TPBGL: variants seen among roughly 807,000 people sequenced by gnomAD.
TPBGL encodes trophoblast glycoprotein like.
For synonymous variants in TPBGL, 380 were observed against 314.8 expected, an observed-to-expected ratio of 1.21 and a Z score of -2.19; for missense variants, 685 against 609.4, an observed-to-expected ratio of 1.12 and a Z score of -1.31.
chr11:75,241,688 C>G lies in TPBGL; in HGVS notation c.639C>G (p.Asp213Glu), dbSNP rs149491762. Residue 213 changes from aspartate (D) to glutamate (E), a missense_variant, in exon 1 of 1, where the codon GAC (aspartate) becomes GAG (glutamate). Physicochemically the swap from Asp to Glu is conservative, Grantham distance 45 (BLOSUM62 2). Coordinates refer to ENST00000562197, the MANE Select transcript of TPBGL (RefSeq NM_001195528.2). The stretch of plus-strand genomic sequence containing the variant: ...ACGCGCTGGCCGGCCTGGACCCCGA[C>G]GAGCTGCGCGCGCTGGAGCGCGATG... ...RLNALAGLDP[D>E]ELRALERDGG... 1,687 of 1,274,000 alleles carry G rather than the reference C, an allele frequency of 1.3e-3. 10 individuals are homozygous for G. The highest frequency in any genetic ancestry group is 0.012 in the Middle Eastern group (38 of 3,180). 78.9% of individuals were successfully genotyped at this position (1,274,000 alleles called of 1,614,324 possible). A position where few individuals can be genotyped will look rare whatever the true frequency, so the allele number is the denominator to read the frequency against.
rs1945592895 is a variant in TPBGL at position 75,240,939 on chromosome 11, G to A, written c.-111G>A. On this transcript the variant is annotated 5_prime_UTR_variant, in exon 1 of 1. Coordinates refer to ENST00000562197, the MANE Select transcript of TPBGL (RefSeq NM_001195528.2). Reference sequence around the variant, plus strand: ...TCGAGACAGCGAACGGACCGACCGGGACTGCCAGCCGCTCCGGGTCAAGGA... The same window carrying A: ...TCGAGACAGCGAACGGACCGACCGGAACTGCCAGCCGCTCCGGGTCAAGGA... 1 of 769,622 alleles carries A rather than the reference G, an allele frequency of 1.3e-6. No homozygotes were observed. The highest frequency in any genetic ancestry group is 1.7e-6 in the Non-Finnish European group (1 of 583,204). The allele number at this position is 769,622 out of a possible 1,614,324, so 47.7% of individuals were successfully genotyped here.
chr11:75,242,200 C>A lies in TPBGL; in HGVS notation c.*2C>A. 9.0e-7 allele frequency: 1 copy of A among 1,108,736 alleles called. No homozygotes were observed. 68.7% of individuals were successfully genotyped at this position (1,108,736 alleles called of 1,614,324 possible). A position where few individuals can be genotyped will look rare whatever the true frequency, so the allele number is the denominator to read the frequency against. On this transcript the variant is annotated 3_prime_UTR_variant, in exon 1 of 1. Transcript: ENST00000562197. Reference sequence around the variant, plus strand: ...ACCTCCCCGGGCTCGGGGCTCTGAGCGGCGCCCCCGGGCTCGGGGCTTCCC... The same window carrying A: ...ACCTCCCCGGGCTCGGGGCTCTGAGAGGCGCCCCCGGGCTCGGGGCTTCCC...
chr11:75,241,648 TG>T lies in TPBGL; in HGVS notation c.601del (p.Asp201ThrfsTer71). On this transcript the variant is annotated frameshift_variant, in exon 1 of 1. Transcript: ENST00000562197. LOFTEE classifies it low-confidence loss of function (END_TRUNC). ...CTGCGCCTGGCGCGCCTGGAGCAGC[TG>T]GACGTGCGCCTCAACGCGCTGGCCG... is the stretch of plus-strand genomic sequence containing the variant. ...AALRLARLEQ[L>X]DVRLNALAGL... 7.6e-7 allele frequency: 1 copy of T among 1,312,882 alleles called. No individual in the cohort carries two copies. Among genetic ancestry groups the T allele is most frequent in the Non-Finnish European group, 9.8e-7 (1 of 1,025,088 alleles). The allele number at this position is 1,312,882 out of a possible 1,614,324, so 81.3% of individuals were successfully genotyped here. A position where few individuals can be genotyped will look rare whatever the true frequency, so the allele number is the denominator to read the frequency against.
chr11:75,242,137 GCGCGCC>G lies in TPBGL; in HGVS notation c.1098_1103del (p.Pro367_Ala368del). ...TACGAGCAGGACGCCGACCCGCGCC[GCGCGCC>G]CGCGCCCGCCGCGCCCGCGGGCTCC... On this transcript the variant is annotated inframe_deletion, in exon 1 of 1. Transcript: ENST00000562197. The G allele has an allele frequency of 8.2e-7, 1 of 1,219,540 alleles. No homozygotes were observed. Among genetic ancestry groups the G allele is most frequent in the Non-Finnish European group, 1.0e-6 (1 of 981,764 alleles). 75.5% of individuals were successfully genotyped at this position (1,219,540 alleles called of 1,614,324 possible). A position where few individuals can be genotyped will look rare whatever the true frequency, so the allele number is the denominator to read the frequency against.
At position 75,241,186 on chromosome 11, in the gene TPBGL, G is replaced by A. The variant is rs1333636241; in HGVS notation, c.137G>A (p.Gly46Glu). The change falls in exon 1 of 1, where the codon GGA becomes GAA. Residue 46 changes from glycine to glutamate, a missense_variant. Gly to Glu is a moderately conservative substitution (Grantham distance 98). Coordinates refer to ENST00000562197, the MANE Select transcript of TPBGL (RefSeq NM_001195528.2). ...GPKLLLRCAS[G>E]AELRQPPRDV... Reference sequence around the variant, plus strand: ...AAGCTGCTGCTGCGCTGCGCGTCGGGAGCCGAGCTCCGCCAGCCTCCGCGG... The same window carrying A: ...AAGCTGCTGCTGCGCTGCGCGTCGGAAGCCGAGCTCCGCCAGCCTCCGCGG... 24 of 1,452,736 alleles carry A rather than the reference G, an allele frequency of 1.7e-5. No individual in the cohort carries two copies. The highest frequency in any genetic ancestry group is 2.0e-5 in the Non-Finnish European group (22 of 1,105,430). 90.0% of individuals were successfully genotyped at this position (1,452,736 alleles called of 1,614,324 possible). A position where few individuals can be genotyped will look rare whatever the true frequency, so the allele number is the denominator to read the frequency against.
At position 75,241,844 on chromosome 11, in the gene TPBGL, C is replaced by T. The variant is rs773607158; in HGVS notation, c.795C>T (p.Ala265=). ...CCGACTCGCGGCGCCTGCGCTGCGC[C>T]GCCCCGCGGGCGCTGCTAGACCGGC... ...RVPDSRRLRC[A]APRALLDRPL... Residue 265 remains alanine (A), a synonymous_variant, in exon 1 of 1, where the codon GCC becomes GCT. Transcript: ENST00000562197. 6.0e-5 allele frequency: 77 copies of T among 1,293,536 alleles called. No individual in the cohort carries two copies. Among genetic ancestry groups the T allele is most frequent in the South Asian group, 9.1e-5 (4 of 44,110 alleles). 80.1% of individuals were successfully genotyped at this position (1,293,536 alleles called of 1,614,324 possible). A position where few individuals can be genotyped will look rare whatever the true frequency, so the allele number is the denominator to read the frequency against.
In TPBGL at chr11:75,240,941, C is replaced by A; in HGVS notation, c.-109C>A. On this transcript the variant is annotated 5_prime_UTR_variant, in exon 1 of 1. In the 5' UTR this introduces an upstream ATG that the reference lacks. Transcript: ENST00000562197. ...GAGACAGCGAACGGACCGACCGGGA[C>A]TGCCAGCCGCTCCGGGTCAAGGACT... 1 of 794,400 alleles carries A rather than the reference C, an allele frequency of 1.3e-6. No homozygotes were observed. The highest frequency in any genetic ancestry group is 1.7e-6 in the Non-Finnish European group (1 of 605,674). The allele number at this position is 794,400 out of a possible 1,614,324, so 49.2% of individuals were successfully genotyped here.
Position 75,241,096 on chromosome 11 carries a change from TGGC to T in TPBGL, c.55_57del (p.Ala19del). On this transcript the variant is annotated inframe_deletion, in exon 1 of 1. Transcript: ENST00000562197. Reference sequence around the variant, plus strand: ...CCGGGGCTCCAGGGGCTGCTGCTCGTGGCGGCGGCGCTGAGCCAGCCCGCGGCA... The same window carrying T: ...CCGGGGCTCCAGGGGCTGCTGCTCGTGGCGGCGCTGAGCCAGCCCGCGGCA... The T allele has an allele frequency of 7.3e-7, 1 of 1,360,590 alleles. No individual in the cohort carries two copies. Among genetic ancestry groups the T allele is most frequent in the Non-Finnish European group, 9.5e-7 (1 of 1,054,788 alleles). 84.3% of individuals were successfully genotyped at this position (1,360,590 alleles called of 1,614,324 possible).
chr11:75,241,611 C>T lies in TPBGL; in HGVS notation c.562C>T (p.Pro188Ser). The stretch of plus-strand genomic sequence containing the variant: ...AGCGGGCAACGCGCTGAGCCGTCTG[C>T]CGCCAGCCGCCCTGCGCCTGGCGCG... ...GLAGNALSRL[P>S]PAALRLARLE... Residue 188 changes from proline to serine, a missense_variant, in exon 1 of 1, where the codon CCG (proline) becomes TCG (serine). Physicochemically the swap from Pro to Ser is moderately conservative, Grantham distance 74. Coordinates refer to ENST00000562197, the MANE Select transcript of TPBGL (RefSeq NM_001195528.2). The T allele has an allele frequency of 7.6e-7, 1 of 1,315,142 alleles. No individual in the cohort carries two copies. The highest frequency in any genetic ancestry group is 9.8e-7 in the Non-Finnish European group (1 of 1,024,464). The allele number at this position is 1,315,142 out of a possible 1,614,324, so 81.5% of individuals were successfully genotyped here.
chr11:75,241,535 C>CGCGCTGGACGCT lies in TPBGL; in HGVS notation c.494_505dup (p.Asp165_Leu168dup), dbSNP rs1467320957. The CGCGCTGGACGCT allele has an allele frequency of 9.8e-6, 12 of 1,223,494 alleles. No homozygotes were observed. The highest frequency in any genetic ancestry group is 1.6e-5 in the African/African-American group (1 of 62,206). 75.8% of individuals were successfully genotyped at this position (1,223,494 alleles called of 1,614,324 possible). A position where few individuals can be genotyped will look rare whatever the true frequency, so the allele number is the denominator to read the frequency against. On this transcript the variant is annotated inframe_insertion, in exon 1 of 1. Coordinates refer to ENST00000562197, the MANE Select transcript of TPBGL (RefSeq NM_001195528.2). The stretch of plus-strand genomic sequence containing the variant: ...TGCGCGGCGGCCCCGCGCTGCTGGC[C>CGCGCTGGACGCT]GCGCTGGACGCTGCGCTGGCACCGC...
rs59905687 is a variant in TPBGL at position 75,242,529 on chromosome 11, G to A, written c.*331G>A. 1,763 of 155,732 alleles carry A rather than the reference G, an allele frequency of 0.011. 27 individuals are homozygous for A. The highest frequency in any genetic ancestry group is 0.041 in the African/African-American group (1,687 of 41,602). 9.6% of individuals were successfully genotyped at this position (155,732 alleles called of 1,614,324 possible). The stretch of plus-strand genomic sequence containing the variant: ...CCCTGTGCTTGGAGCTCCGACACCC[G>A]AGACTGCACTGACCTCCCTCGCCAG... On this transcript the variant is annotated 3_prime_UTR_variant, in exon 1 of 1. Transcript: ENST00000562197.
chr11:75,241,139 G>A lies in TPBGL; in HGVS notation c.90G>A (p.Gln30=). The change falls in exon 1 of 1, where the codon CAG becomes CAA. Residue 30 remains glutamine (Q), a synonymous_variant. Coordinates refer to ENST00000562197, the MANE Select transcript of TPBGL (RefSeq NM_001195528.2). ...AGCCCGCGGCACCCTGCCCCTTCCA[G>A]TGCTACTGCTTCGGCGGCCCCAAGC... ...LSQPAAPCPF[Q]CYCFGGPKLL... is the part of the protein sequence containing the mutation. The A allele has an allele frequency of 1.4e-6, 2 of 1,447,770 alleles. No homozygotes were observed. The highest frequency in any genetic ancestry group is 1.8e-6 in the Non-Finnish European group (2 of 1,101,986). The allele number at this position is 1,447,770 out of a possible 1,614,324, so 89.7% of individuals were successfully genotyped here. A position where few individuals can be genotyped will look rare whatever the true frequency, so the allele number is the denominator to read the frequency against.
chr11:75,241,518 G>A lies in TPBGL; in HGVS notation c.469G>A (p.Gly157Ser), dbSNP rs181283943. ...GCTCAACCACGCGCTGGTGCGCGGC[G>A]GCCCCGCGCTGCTGGCCGCGCTGGA... ...LQLNHALVRG[G>S]PALLAALDAA... is the part of the protein sequence containing the mutation. Residue 157 changes from glycine to serine, a missense_variant, in exon 1 of 1, where the codon GGC (glycine) becomes AGC (serine). By Grantham distance (56) the Gly-to-Ser change is moderately conservative (BLOSUM62 0). Transcript: ENST00000562197. The A allele has an allele frequency of 2.3e-3, 2,834 of 1,210,764 alleles. 47 individuals carry two copies. In the African/African-American group the frequency reaches 0.042, roughly 18 times the overall value. The allele number at this position is 1,210,764 out of a possible 1,614,324, so 75.0% of individuals were successfully genotyped here. A position where few individuals can be genotyped will look rare whatever the true frequency, so the allele number is the denominator to read the frequency against.
chr11:75,242,040 C>A lies in TPBGL; in HGVS notation c.991C>A (p.Arg331Ser). The change falls in exon 1 of 1, where the codon CGC becomes AGC. Residue 331 changes from arginine (R) to serine (S), a missense_variant. Transcript: ENST00000562197. ...CCTCATGGTGCTCTACCTAAACCGC[C>A]GCGGCATCCAGCGCTGGATGCGCAA... ...IFLMVLYLNRRGIQRWMRNLR... is the reference protein window; with the variant it reads ...IFLMVLYLNRSGIQRWMRNLR... 1 of 1,457,188 alleles carries A rather than the reference C, an allele frequency of 6.9e-7. No individual in the cohort carries two copies. Among genetic ancestry groups the A allele is most frequent in the Non-Finnish European group, 9.1e-7 (1 of 1,103,946 alleles). 90.3% of individuals were successfully genotyped at this position (1,457,188 alleles called of 1,614,324 possible). A position where few individuals can be genotyped will look rare whatever the true frequency, so the allele number is the denominator to read the frequency against.
chr11:75,241,803 G>C lies in TPBGL; in HGVS notation c.754G>C (p.Ala252Pro). The C allele has an allele frequency of 7.7e-7, 1 of 1,301,466 alleles. No homozygotes were observed. The allele number at this position is 1,301,466 out of a possible 1,614,324, so 80.6% of individuals were successfully genotyped here. A position where few individuals can be genotyped will look rare whatever the true frequency, so the allele number is the denominator to read the frequency against. The change falls in exon 1 of 1, where the codon GCC (alanine) becomes CCC (proline). Residue 252 changes from alanine to proline, a missense_variant. Coordinates refer to ENST00000562197, the MANE Select transcript of TPBGL (RefSeq NM_001195528.2). ...ARPLLAWLRN[A>P]TERVPDSRRL... ...CCCCCTGCTGGCCTGGCTGCGCAAC[G>C]CCACGGAGCGCGTGCCCGACTCGCG... is the stretch of plus-strand genomic sequence containing the variant.
In TPBGL at chr11:75,241,617, G is replaced by A. The variant is rs890394501; in HGVS notation, c.568G>A (p.Ala190Thr). 2 of 1,311,872 alleles carry A rather than the reference G, an allele frequency of 1.5e-6. No homozygotes were observed. Among genetic ancestry groups the A allele is most frequent in the Non-Finnish European group, 9.8e-7 (1 of 1,023,138 alleles). 81.3% of individuals were successfully genotyped at this position (1,311,872 alleles called of 1,614,324 possible). A position where few individuals can be genotyped will look rare whatever the true frequency, so the allele number is the denominator to read the frequency against. ...AGNALSRLPP[A>T]ALRLARLEQL... is the part of the protein sequence containing the mutation. The stretch of plus-strand genomic sequence containing the variant: ...CAACGCGCTGAGCCGTCTGCCGCCA[G>A]CCGCCCTGCGCCTGGCGCGCCTGGA... The change falls in exon 1 of 1, where the codon GCC becomes ACC. Residue 190 changes from alanine to threonine, a missense_variant. Coordinates refer to ENST00000562197, the MANE Select transcript of TPBGL (RefSeq NM_001195528.2).
Position 75,242,006 on chromosome 11 carries a change from C to A in TPBGL, c.957C>A (p.Gly319=). 6.7e-7 allele frequency: 1 copy of A among 1,489,206 alleles called. No homozygotes were observed. Among genetic ancestry groups the A allele is most frequent in the Non-Finnish European group, 8.9e-7 (1 of 1,122,100 alleles). 92.2% of individuals were successfully genotyped at this position (1,489,206 alleles called of 1,614,324 possible). A position where few individuals can be genotyped will look rare whatever the true frequency, so the allele number is the denominator to read the frequency against. The change falls in exon 1 of 1, where the codon GGC becomes GGA. Residue 319 remains glycine (G), a synonymous_variant. Coordinates refer to ENST00000562197, the MANE Select transcript of TPBGL (RefSeq NM_001195528.2). ...TCGGGCTGGTGCTGGCACTCATCGG[C>A]CTCATCTTCCTCATGGTGCTCTACC... The part of the protein sequence containing the change: ...VFFGLVLALI[G]LIFLMVLYLN...
rs761310100 is a variant in TPBGL, at chr11:75,241,885, A to T, written c.836A>T (p.Asp279Val). The change falls in exon 1 of 1, where the codon GAC becomes GTC. Residue 279 changes from aspartate (D) to valine (V), a missense_variant. By Grantham distance (152) the Asp-to-Val change is radical (BLOSUM62 -3). Coordinates refer to ENST00000562197, the MANE Select transcript of TPBGL (RefSeq NM_001195528.2). ...CTAGACCGGCCGCTACTGGACCTGG[A>T]CGGGGCGCGGCTTCGCTGCGCGGAC... ...ALLDRPLLDL[D>V]GARLRCADSG... 10 of 1,458,996 alleles carry T rather than the reference A, an allele frequency of 6.9e-6. No homozygotes were observed. Among genetic ancestry groups the T allele is most frequent in the Non-Finnish European group, 9.0e-6 (10 of 1,107,180 alleles). 90.4% of individuals were successfully genotyped at this position (1,458,996 alleles called of 1,614,324 possible). A position where few individuals can be genotyped will look rare whatever the true frequency, so the allele number is the denominator to read the frequency against.
At position 75,242,422 on chromosome 11, in the gene TPBGL, C is replaced by A. The variant is rs901618482; in HGVS notation, c.*224C>A. 8.6e-6 allele frequency: 3 copies of A among 349,890 alleles called. No homozygotes were observed. Among genetic ancestry groups the A allele is most frequent in the Non-Finnish European group, 8.2e-6 (2 of 242,480 alleles). 21.7% of individuals were successfully genotyped at this position (349,890 alleles called of 1,614,324 possible). A position where few individuals can be genotyped will look rare whatever the true frequency, so the allele number is the denominator to read the frequency against. On this transcript the variant is annotated 3_prime_UTR_variant, in exon 1 of 1. Transcript: ENST00000562197. The stretch of plus-strand genomic sequence containing the variant: ...AGTTTCCGAAACCTCCCTCCTGAAC[C>A]ACTGAAAGTCCGTTCCCCGTCTCGG...
Sources: allele counts gnomAD v4.1 joint callset, GRCh38; gene constraint gnomAD v4.1.1; transcripts MANE v1.5; gene names NCBI Gene and HGNC (gene_info 2026-07-23, HGNC 2026-07-21).